Variants in ABCC10 observed in about 807,000 individuals in gnomAD.
ABCC10 encodes the protein ATP-binding cassette sub-family C member 10.
ABCC10 carries 110 observed loss-of-function variants against 143.2 expected under a neutral mutation model. The ratio of observed to expected loss-of-function variants is 0.77; its 90% CI spans 0.66 to 0.90. The LOEUF is 0.90. ABCC10 is among the 40% of genes least tolerant of loss of function. ABCC10 has a pLI of 0.00. For synonymous variants in ABCC10, 805 were observed against 846.7 expected (o/e 0.95, Z 0.85); for missense variants, 1,700 against 1,900.5 (o/e 0.89, Z 1.96).
In ABCC10 at chr6:43,429,835, G is replaced by A. The variant is rs147906451; in HGVS notation, c.161+1696G>A. On this transcript the variant is annotated intron_variant, in intron 2 of 21. Transcript: ENST00000372530. ...GTTTGAAACCAGCCTGGTCAACATG[G>A]TGAAACCCCATCTTGAATCGCTTGA... Among the ~76,000 whole-genome samples the A allele has an allele frequency of 3.9e-3, 596 of 152,302 alleles. 4 individuals are homozygous for A. The highest frequency in any genetic ancestry group is 0.01 in the Middle Eastern group (3 of 294).
intron 16 of ABCC10, 50 bp downstream of exon 16, chr6:43,446,496 G>A (rs1214747): frequency 1.9e-6 from 3 of 1,572,592 alleles, no homozygotes; most frequent in African/African-American, 1.3e-5. Context: ...TTAGTCCACC[G>A]CTCTCCCAGA....
In ABCC10 at chr6:43,446,299, C is replaced by G. The variant is rs1197358920; in HGVS notation, c.3397C>G (p.Leu1133Val). The G allele has an allele frequency of 6.2e-7, 1 of 1,613,910 alleles. No homozygotes were observed. The highest frequency in any genetic ancestry group is 8.5e-7 in the Non-Finnish European group (1 of 1,179,872). ...TAGGTTTGAGGAGGAGAACCTGCGA[C>G]TCCTTGAGCTAAACCAGAGGTGCCA... is the stretch of plus-strand genomic sequence containing the variant. ...TYRFEEENLRLLELNQRCQFA... is the reference protein window; with the variant it reads ...TYRFEEENLRVLELNQRCQFA... Residue 1133 changes from leucine (L) to valine (V), a missense_variant, in exon 16 of 22, where the codon CTC becomes GTC. By Grantham distance (32) the Leu-to-Val change is conservative (BLOSUM62 1). Transcript: ENST00000372530.
chr6:43,444,890 T>TG lies in ABCC10; in HGVS notation c.2796dup (p.Leu933AlafsTer99). The TG allele has an allele frequency of 6.2e-7, 1 of 1,613,996 alleles. No homozygotes were observed. Among genetic ancestry groups the TG allele is most frequent in the Non-Finnish European group, 8.5e-7 (1 of 1,179,924 alleles). On this transcript the variant is annotated frameshift_variant, in exon 13 of 22. Coordinates refer to ENST00000372530, the MANE Select transcript of ABCC10 (RefSeq NM_001198934.2). LOFTEE classifies it high-confidence loss of function. ...CAACCCTCCACCAGCCCAGCTTCTATGGGGCTCTTCTCTCCGCAGCTGCTC... is the reference window on the plus strand; with the variant it reads ...CAACCCTCCACCAGCCCAGCTTCTATGGGGGCTCTTCTCTCCGCAGCTGCTC...
chr6:43,439,643 G>A (rs1190657966), intron 8 of ABCC10, among the ~76,000 whole-genome samples: 3 of 152,158 alleles, frequency 2.0e-5, no homozygotes, highest in Admixed American at 2.0e-4. Context: ...GAGTGCAGTG[G>A]CACAATCTCG....
rs558784668 is a variant in ABCC10, at chr6:43,432,558, G to C, written c.578G>C (p.Gly193Ala). The C allele has an allele frequency of 1.2e-6, 2 of 1,613,296 alleles. No homozygotes were observed. Among genetic ancestry groups the C allele is most frequent in the South Asian group, 2.2e-5 (2 of 91,092 alleles). Reference protein sequence around the residue: ...LAYALGWAAPGGPREPWAQEP... With the variant: ...LAYALGWAAPAGPREPWAQEP... Reference sequence around the variant, plus strand: ...TATGCACTGGGATGGGCAGCTCCTGGGGGACCACGAGAACCCTGGGCTCAG... The same window carrying C: ...TATGCACTGGGATGGGCAGCTCCTGCGGGACCACGAGAACCCTGGGCTCAG... The change falls in exon 3 of 22, where the codon GGG becomes GCG. Residue 193 changes from glycine (G) to alanine (A), a missense_variant. Transcript: ENST00000372530.
downstream of ABCC10, chr6:43,451,984 A>G (rs372062583): frequency 2.5e-6 from 4 of 1,614,024 alleles, no homozygotes; most frequent in Admixed American, 3.3e-5. This position sits in a 1 kb window ranked among gnomAD's most constrained non-coding sequence, Gnocchi z 4.4. Flanking sequence ...AGTCACGCCC[A>G]TGGAAGCCTG....
downstream of ABCC10, among the ~76,000 whole-genome samples, chr6:43,451,737 T>G (rs975310826): frequency 6.6e-6 from 1 of 152,014 alleles, no homozygotes; most frequent in African/African-American, 2.4e-5. The surrounding 1 kb of genome is among the most constrained non-coding windows in gnomAD (Gnocchi z 4.4). Context: ...TATAGATTGT[T>G]GAAGAAATGG....
At position 43,433,190 on chromosome 6, in the gene ABCC10, C is replaced by A. The variant is rs1238475546; in HGVS notation, c.1210C>A (p.Leu404Met). The part of the protein sequence containing the change: ...FAGSFHEAWG[L>M]PLQLAITLYL... The stretch of plus-strand genomic sequence containing the variant: ...TGGGAGCTTCCATGAAGCCTGGGGC[C>A]TGCCCCTGCAACTGGCCATCACCCT... The change falls in exon 3 of 22, where the codon CTG becomes ATG. Residue 404 changes from leucine (L) to methionine (M), a missense_variant. Leu to Met is a conservative substitution (Grantham distance 15). Transcript: ENST00000372530. The A allele has an allele frequency of 1.9e-6, 3 of 1,614,046 alleles. No homozygotes were observed. In the African/African-American group the frequency reaches 4.0e-5, roughly 22 times the overall value.
In ABCC10 at chr6:43,445,896, A is replaced by G; in HGVS notation, c.3328A>G (p.Thr1110Ala). The change falls in exon 15 of 22, where the codon ACC (threonine) becomes GCC (alanine). Residue 1110 changes from threonine to alanine, a missense_variant. Coordinates refer to ENST00000372530, the MANE Select transcript of ABCC10 (RefSeq NM_001198934.2). ...LSPLYSHLAD[T>A]LAGLSVLRAT... ...TCCACTGTATAGCCATCTGGCCGAT[A>G]CCTTGGCTGGCCTCTCTGTGCTCCG... The G allele has an allele frequency of 6.2e-7, 1 of 1,613,592 alleles. No individual in the cohort carries two copies. Among genetic ancestry groups the G allele is most frequent in the South Asian group, 1.1e-5 (1 of 91,072 alleles).
rs147524809 is a variant in ABCC10 at position 43,447,861 on chromosome 6, C to T, written c.3883C>T (p.Arg1295Trp). ...GTCTTCCCTGTTGTTGGTGCTCTTC[C>T]GGCTGCTAGAGCCCAGTTCAGGGCG... ...GKSSLLLVLF[R>W]LLEPSSGRVL... The change falls in exon 18 of 22, where the codon CGG (arginine) becomes TGG (tryptophan). Residue 1295 changes from arginine (R) to tryptophan (W), a missense_variant. Transcript: ENST00000372530. 195 of 1,613,768 alleles carry T rather than the reference C, an allele frequency of 1.2e-4. No homozygotes were observed. The highest frequency in any genetic ancestry group is 1.5e-4 in the Non-Finnish European group (176 of 1,180,038).
rs753857914 is a variant in ABCC10, at chr6:43,447,824, A to T, written c.3846A>T (p.Thr1282=). The T allele has an allele frequency of 1.9e-6, 3 of 1,613,606 alleles. No individual in the cohort carries two copies. The highest frequency in any genetic ancestry group is 8.5e-7 in the Non-Finnish European group (1 of 1,180,028). ...AGAAGTTGGGCATCGTGGGCCGCAC[A>T]GGCTCCGGCAAGTCTTCCCTGTTGT... is the stretch of plus-strand genomic sequence containing the variant. ...PGEKLGIVGR[T]GSGKSSLLLV... The change falls in exon 18 of 22, where the codon ACA becomes ACT. Residue 1282 remains threonine, a synonymous_variant. Transcript: ENST00000372530.
chr6:43,446,431 G>A lies in ABCC10; in HGVS notation c.3529G>A (p.Gly1177Ser), dbSNP rs193117034. Residue 1177 changes from glycine to serine, a missense_variant, in exon 16 of 22, where the codon GGC becomes AGC. Transcript: ENST00000372530. ...CATCGCTCTGGTGCAGCACCAGCAGGGCCTCGCTAACCCAGGTGCCACCCA... is the reference window on the plus strand; with the variant it reads ...CATCGCTCTGGTGCAGCACCAGCAGAGCCTCGCTAACCCAGGTGCCACCCA... ...AGIALVQHQQ[G>S]LANPGLVGLS... 1.9e-6 allele frequency: 3 copies of A among 1,611,114 alleles called. No homozygotes were observed. The highest frequency in any genetic ancestry group is 4.5e-5 in the East Asian group (2 of 44,880).
Position 43,447,729 on chromosome 6 carries a change from G to C in ABCC10, c.3751G>C (p.Val1251Leu), listed in dbSNP as rs750581964. Residue 1251 changes from valine to leucine, a missense_variant, in exon 18 of 22, where the codon GTG becomes CTG. Physicochemically the swap from Val to Leu is conservative, Grantham distance 32. Coordinates refer to ENST00000372530, the MANE Select transcript of ABCC10 (RefSeq NM_001198934.2). ...LTQGGVEFQD[V>L]VLAYRPGLPN... is the part of the protein sequence containing the mutation. Reference sequence around the variant, plus strand: ...CCAGGGGGGCGTGGAGTTCCAGGACGTGGTGTTGGCGTACCGGCCAGGGCT... The same window carrying C: ...CCAGGGGGGCGTGGAGTTCCAGGACCTGGTGTTGGCGTACCGGCCAGGGCT... 4 of 1,613,994 alleles carry C rather than the reference G, an allele frequency of 2.5e-6. No individual in the cohort carries two copies. The highest frequency in any genetic ancestry group is 3.4e-6 in the Non-Finnish European group (4 of 1,180,032).
intron 8 of ABCC10, among the ~76,000 whole-genome samples, chr6:43,440,797 G>A (rs1354047208): frequency 4.7e-5 from 7 of 147,438 alleles, no homozygotes; most frequent in African/African-American, 1.7e-4. Flanking sequence ...CCAGGAGGCG[G>A]AGGTTTCAGT....
Position 43,432,796 on chromosome 6 carries a change from G to T in ABCC10, c.816G>T (p.Arg272=). ...VFQAHWQEGA[R]LWRALYGAFG... is the part of the protein sequence containing the mutation. ...AGGCACACTGGCAGGAGGGGGCACG[G>T]CTGTGGAGGGCCTTGTATGGGGCCT... is the stretch of plus-strand genomic sequence containing the variant. Residue 272 remains arginine (R), a synonymous_variant, in exon 3 of 22, where the codon CGG becomes CGT. Coordinates refer to ENST00000372530, the MANE Select transcript of ABCC10 (RefSeq NM_001198934.2). The T allele has an allele frequency of 1.2e-6, 2 of 1,614,172 alleles. No homozygotes were observed. Among genetic ancestry groups the T allele is most frequent in the Non-Finnish European group, 1.7e-6 (2 of 1,180,032 alleles).
Position 43,449,040 on chromosome 6 carries a change from C to G in ABCC10, c.4105+14C>G. On this transcript the variant is annotated intron_variant, in intron 19 of 21. Transcript: ENST00000372530. ...TTACATCCATGGGTGAGTGCTGGAC[C>G]CTGACCTTAGAGCAAGAAGGGAGCA... The G allele has an allele frequency of 6.2e-7, 1 of 1,613,440 alleles. No individual in the cohort carries two copies. Among genetic ancestry groups the G allele is most frequent in the Non-Finnish European group, 8.5e-7 (1 of 1,179,494 alleles).
chr6:43,429,363 TTTTCTTTC>T (rs1350777055), intron 2 of ABCC10, among the ~76,000 whole-genome samples: 181 of 90,046 alleles, frequency 2.0e-3, no homozygotes, highest in Admixed American at 2.6e-3. Flanking sequence ...TCTTTCTTTC[TTTTCTTTC>T]TTGTGTGTGT....
Position 43,427,668 on chromosome 6 carries a change from T to G in ABCC10, c.-101T>G. 6.3e-6 allele frequency: 3 copies of G among 475,966 alleles called. No individual in the cohort carries two copies. The highest frequency in any genetic ancestry group is 2.0e-5 in the African/African-American group (1 of 50,628). 29.5% of individuals were successfully genotyped at this position (475,966 alleles called of 1,614,324 possible). On this transcript the variant is annotated 5_prime_UTR_variant, in exon 1 of 22. Coordinates refer to ENST00000372530, the MANE Select transcript of ABCC10 (RefSeq NM_001198934.2). The stretch of plus-strand genomic sequence containing the variant: ...TTTTTGCATACACCAGTTCTCAGGA[T>G]ATCGGAATCCGGTGCACAGCAGCTT...
intron 2 of ABCC10, among the ~76,000 whole-genome samples, chr6:43,429,412 C>G (rs941263751): frequency 1.3e-3 from 135 of 100,436 alleles, no homozygotes; most frequent in South Asian, 3.0e-3. Flanking sequence ...GTGTGTGTGG[C>G]GGGGGGGAGG....
Sources: allele counts gnomAD v4.1 joint callset (sites outside exome capture counted in the v4.1 genomes callset), GRCh38; gene constraint gnomAD v4.1.1; non-coding constraint Gnocchi (gnomAD v3.1); transcripts MANE v1.5; gene names NCBI Gene and HGNC (gene_info 2026-07-23, HGNC 2026-07-21).